RCHY1: variants seen among roughly 807,000 people sequenced by gnomAD.
RCHY1 encodes the protein RING finger and CHY zinc finger domain-containing protein 1.
RCHY1 carries 21 observed loss-of-function variants against 41.6 expected under a neutral mutation model. The ratio of observed to expected loss-of-function variants is 0.51; its 90% CI spans 0.36 to 0.73. The LOEUF (loss-of-function observed/expected upper bound fraction) is 0.73. RCHY1 is among the 30% of genes least tolerant of loss of function. The pLI, the probability that RCHY1 is intolerant of heterozygous loss-of-function variation, is 0.00. For missense variants in RCHY1, 265 were observed against 325.3 expected (o/e 0.81, Z 1.43); for synonymous variants, 79 against 102.9 (o/e 0.77, Z 1.41).
At chr4:75,501,287 G>A (rs889598743) in intron 3 of RCHY1, among the ~76,000 whole-genome samples, 1 of 152,196 alleles carries the variant, frequency 6.6e-6, no homozygotes, top group Non-Finnish European at 1.5e-5. Flanking sequence ...AGGATTAGAG[G>A]CGTGAGCCAC....
intron 3 of RCHY1, among the ~76,000 whole-genome samples, chr4:75,501,471 T>C (rs962786711): frequency 6.6e-6 from 1 of 152,348 alleles, no homozygotes; most frequent in South Asian, 2.1e-4. Flanking sequence ...GGGTAGTTTT[T>C]CAGTATGCCA....
intron 3 of RCHY1, among the ~76,000 whole-genome samples, chr4:75,496,067 C>T (rs775712537): frequency 6.6e-6 from 1 of 152,112 alleles, no homozygotes; most frequent in Non-Finnish European, 1.5e-5. Flanking sequence ...TACAAATGAA[C>T]TTTAGAATAG....
intron 8 of RCHY1, among the ~76,000 whole-genome samples, chr4:75,484,178 G>C (rs1242979009): frequency 6.6e-6 from 1 of 152,188 alleles, no homozygotes; most frequent in African/African-American, 2.4e-5. Flanking sequence ...ACAGCTTTCA[G>C]TGACCGCCAG....
chr4:75,487,073 A>C (rs1722080763), intron 8 of RCHY1, among the ~76,000 whole-genome samples: 1 of 152,170 alleles, frequency 6.6e-6, no homozygotes, highest in Non-Finnish European at 1.5e-5. Context: ...CGTTCAAAAG[A>C]AAGAATTTTA....
chr4:75,509,359 A>G, intron 1 of RCHY1, 63 bp from the exon 2 acceptor site: 3 of 1,535,954 alleles, frequency 2.0e-6, no homozygotes, highest in South Asian at 2.4e-5. Flanking sequence ...GTGCAATACA[A>G]AAAGAAAATT....
rs542789920 is a variant in RCHY1, at chr4:75,514,104, C to T, written c.90+93G>A. 1.1e-4 allele frequency: 174 copies of T among 1,531,916 alleles called. 3 individuals carry two copies. The East Asian group carries it at 3.7e-3, about 32-fold the overall frequency. 94.9% of individuals were successfully genotyped at this position (1,531,916 alleles called of 1,614,324 possible). A position where few individuals can be genotyped will look rare whatever the true frequency, so the allele number is the denominator to read the frequency against. On this transcript the variant is annotated intron_variant, in intron 1 of 8. Coordinates refer to ENST00000324439, the MANE Select transcript of RCHY1 (RefSeq NM_015436.4). ...AAGGTATCCTGAAAATCAGGTTAAC[C>T]TCAAACTTAAATCCAAGCCTAACCA...
At chr4:75,497,734 T>C (rs1723351388) in intron 3 of RCHY1, among the ~76,000 whole-genome samples, 1 of 151,876 alleles carries the variant, frequency 6.6e-6, no homozygotes, top group Non-Finnish European at 1.5e-5. Context: ...TCTGAAATAG[T>C]AATAGCCAAA....
chr4:75,502,413 G>A (rs1213800918), intron 3 of RCHY1, among the ~76,000 whole-genome samples: 3 of 151,858 alleles, frequency 2.0e-5, no homozygotes, highest in South Asian at 2.1e-4. Flanking sequence ...AGTGGCGGGC[G>A]CCTGTAGTCC....
intron 2 of RCHY1, 75 bp downstream of exon 2, chr4:75,509,102 T>TA (rs1383447140): frequency 7.2e-7 from 1 of 1,393,312 alleles, no homozygotes; most frequent in African/African-American, 1.5e-5. Flanking sequence ...TTATTTATGA[T>TA]ACTTTTGATT....
intron 8 of RCHY1, among the ~76,000 whole-genome samples, chr4:75,486,977 T>C (rs1367013706): frequency 6.7e-6 from 1 of 150,330 alleles, no homozygotes; most frequent in Non-Finnish European, 1.5e-5. Context: ...AGACTCCGTC[T>C]AAAAAAAAAA....
At chr4:75,488,349 C>A (rs1366104883) in intron 8 of RCHY1, among the ~76,000 whole-genome samples, 1 of 152,032 alleles carries the variant, frequency 6.6e-6, no homozygotes, top group African/African-American at 2.4e-5. Flanking sequence ...GAAAACTAGA[C>A]AAGCAAGCAA....
chr4:75,484,868 C>T (rs1034814021), intron 8 of RCHY1, among the ~76,000 whole-genome samples: 5 of 151,366 alleles, frequency 3.3e-5, no homozygotes, highest in African/African-American at 1.2e-4. Context: ...CTGTTAAAAA[C>T]CAAACCAAAA....
intron 8 of RCHY1, among the ~76,000 whole-genome samples, chr4:75,489,270 G>A (rs1270130458): frequency 1.3e-5 from 2 of 152,098 alleles, no homozygotes; most frequent in Admixed American, 6.6e-5. Context: ...GCTACCTGAT[G>A]GGCCATTTAA....
At chr4:75,483,795 T>C (rs912597455) in intron 8 of RCHY1, among the ~76,000 whole-genome samples, 1 of 152,208 alleles carries the variant, frequency 6.6e-6, no homozygotes, top group African/African-American at 2.4e-5. Context: ...ACGTGGTTTT[T>C]ATCCTCGTAT....
chr4:75,487,592 A>ATATATTCATATATATTCATAAT lies in RCHY1; in HGVS notation c.657+2988_657+2989insATTATGAATATATATGAATATA, dbSNP rs1553917563. On this transcript the variant is annotated intron_variant, in intron 8 of 8. Transcript: ENST00000324439. ...TATATATATTCATATATATATTCATAATATATATTCATATATATTCATAAT... is the reference window on the plus strand; with the variant it reads ...TATATATATTCATATATATATTCATATATATTCATATATATTCATAATATATATATTCATATATATTCATAAT... 2.2e-3 allele frequency among the ~76,000 whole-genome samples: 122 copies of ATATATTCATATATATTCATAAT among 55,546 alleles called. 9 individuals carry two copies. In the South Asian group the frequency reaches 0.071, roughly 32 times the overall value. The allele number at this position is 55,546 out of a possible 152,430, so 36.4% of individuals were successfully genotyped here.
At chr4:75,503,205 G>A (rs528514939) in intron 3 of RCHY1, among the ~76,000 whole-genome samples, 2 of 152,128 alleles carry the variant, frequency 1.3e-5, no homozygotes, top group Non-Finnish European at 2.9e-5. Flanking sequence ...TACAACAGCT[G>A]AAAATGTCTC....
intron 8 of RCHY1, among the ~76,000 whole-genome samples, chr4:75,483,319 A>C (rs1355452885): frequency 1.3e-5 from 2 of 152,206 alleles, no homozygotes; most frequent in African/African-American, 4.8e-5. Context: ...CTAGTTTTTG[A>C]ATAGTCACAC....
chr4:75,499,977 C>T (rs1723596080), intron 3 of RCHY1, among the ~76,000 whole-genome samples: 1 of 151,986 alleles, frequency 6.6e-6, no homozygotes, highest in African/African-American at 2.4e-5. Context: ...GGGGAAACCC[C>T]AACTCCACAA....
In RCHY1 at chr4:75,482,655, A is replaced by G. The variant is rs1220411002; in HGVS notation, c.669T>C (p.Asn223=). 1.9e-6 allele frequency: 3 copies of G among 1,602,950 alleles called. No homozygotes were observed. The highest frequency in any genetic ancestry group is 2.6e-6 in the Non-Finnish European group (3 of 1,173,714). Residue 223 remains asparagine, a synonymous_variant, in exon 9 of 9, where the codon AAT becomes AAC. Coordinates refer to ENST00000324439, the MANE Select transcript of RCHY1 (RefSeq NM_015436.4). ...YQNMTVDILC[N]DCNGRSTVQF... ...GAACAGTGGATCGTCCATTACAGTC[A>G]TTGCAGAGAATCTGAAAAGAGATTA...
Sources: allele counts gnomAD v4.1 joint callset (sites outside exome capture counted in the v4.1 genomes callset), GRCh38; gene constraint gnomAD v4.1.1; transcripts MANE v1.5; gene names NCBI Gene and HGNC (gene_info 2026-07-23, HGNC 2026-07-21).